MDGA1: variants seen among roughly 807,000 people sequenced by gnomAD.
MDGA1 encodes MAM domain-containing glycosylphosphatidylinositol anchor protein 1.
Under a neutral mutation model 101.5 loss-of-function variants are expected in MDGA1, and 54 were observed. That is an observed-to-expected ratio of 0.53 (90% confidence interval 0.43 to 0.67). The LOEUF (loss-of-function observed/expected upper bound fraction) is 0.67. Ranked by LOEUF, MDGA1 falls within the 30% of genes least tolerant of loss-of-function variation. The pLI, the probability that MDGA1 is intolerant of heterozygous loss-of-function variation, is 0.00. For missense variants in MDGA1, 1,083 were observed against 1,323.8 expected, an observed-to-expected ratio of 0.82 and a Z score of 2.82; for synonymous variants, 533 against 558.3, an observed-to-expected ratio of 0.95 and a Z score of 0.64.
Position 37,646,368 on chromosome 6 carries a change from TG to T in MDGA1, c.2053del (p.Gln685SerfsTer24). The T allele has an allele frequency of 6.6e-7, 1 of 1,516,082 alleles. No individual in the cohort carries two copies. Among genetic ancestry groups the T allele is most frequent in the Non-Finnish European group, 8.9e-7 (1 of 1,127,524 alleles). The allele number at this position is 1,516,082 out of a possible 1,614,324, so 93.9% of individuals were successfully genotyped here. On this transcript the variant is annotated frameshift_variant, in exon 11 of 17. Coordinates refer to ENST00000434837, the MANE Select transcript of MDGA1 (RefSeq NM_153487.4). LOFTEE classifies it high-confidence loss of function. ...GATGGCCTTGACCACCGCATTGTGCTGGTTCAACTGTTAAGTACAGAGAGTT... is the reference window on the plus strand; with the variant it reads ...GATGGCCTTGACCACCGCATTGTGCTGTTCAACTGTTAAGTACAGAGAGTT... ...NYRLSIRQLNQHNAVVKAIPV... is the reference protein window; with the variant it reads ...NYRLSIRQLNXHNAVVKAIPV...
chr6:37,671,747 G>C (rs191921203), intron 1 of MDGA1, among the ~76,000 whole-genome samples: 2 of 152,232 alleles, frequency 1.3e-5, no homozygotes, highest in East Asian at 3.9e-4. Context: ...TCCCCCATAA[G>C]AGAATCCATG....
intron 12 of MDGA1, among the ~76,000 whole-genome samples, chr6:37,645,540 G>GA (rs59116832): frequency 0.52 from 77,821 of 150,742 alleles, 21,159 homozygotes; most frequent in South Asian, 0.64. Context: ...CATCTCAAAA[G>GA]AAAAAAAAAG....
chr6:37,647,896 C>G (rs1305963198), intron 9 of MDGA1, among the ~76,000 whole-genome samples: 1 of 152,106 alleles, frequency 6.6e-6, no homozygotes, highest in Non-Finnish European at 1.5e-5. Context: ...GGGATTCAAA[C>G]AGAAGCTGAA....
chr6:37,632,168 T>C lies in MDGA1; in HGVS notation c.*5200A>G, dbSNP rs1353220195. The C allele has an allele frequency of 6.6e-6, 1 of 152,124 alleles. No homozygotes were observed. The highest frequency in any genetic ancestry group is 1.5e-5 in the Non-Finnish European group (1 of 68,046). The allele number at this position is 152,124 out of a possible 1,614,324, so 9.4% of individuals were successfully genotyped here. A position where few individuals can be genotyped will look rare whatever the true frequency, so the allele number is the denominator to read the frequency against. On this transcript the variant is annotated 3_prime_UTR_variant, in exon 17 of 17. Coordinates refer to ENST00000434837, the MANE Select transcript of MDGA1 (RefSeq NM_153487.4). ...GAAGCCCCAACCCAAATAAGAACCC[T>C]CTTCATACCTTCTTTCATAGCACCA...
intron 6 of MDGA1, among the ~76,000 whole-genome samples, chr6:37,653,619 C>A (rs566179356): frequency 2.6e-5 from 4 of 152,114 alleles, no homozygotes; most frequent in Non-Finnish European, 5.9e-5. Flanking sequence ...AGAAAACAAA[C>A]AAAATCCCTA....
chr6:37,694,775 G>A (rs922138249), intron 1 of MDGA1, among the ~76,000 whole-genome samples: 1 of 152,080 alleles, frequency 6.6e-6, no homozygotes, highest in Admixed American at 6.5e-5. Context: ...GCTCTCAAAG[G>A]AAAAGTGGCA....
At chr6:37,666,331 G>A (rs1315945541) in intron 1 of MDGA1, among the ~76,000 whole-genome samples, 1 of 145,874 alleles carries the variant, frequency 6.9e-6, no homozygotes, top group African/African-American at 2.6e-5. Context: ...CTGCACTCCA[G>A]CCTGGGCCAC....
chr6:37,680,919 C>T lies in MDGA1; in HGVS notation c.67+15826G>A, dbSNP rs182723605. On this transcript the variant is annotated intron_variant, in intron 1 of 16. Coordinates refer to ENST00000434837, the MANE Select transcript of MDGA1 (RefSeq NM_153487.4). The stretch of plus-strand genomic sequence containing the variant: ...AAAACCAAATCCACAACTGAGCTCT[C>T]CAGCTGAGCAGGGCCTGCTGGGAAG... Among the ~76,000 whole-genome samples, 384 of 152,302 alleles carry T rather than the reference C, an allele frequency of 2.5e-3. 3 individuals are homozygous for T. The highest frequency in any genetic ancestry group is 4.3e-3 in the Admixed American group (66 of 15,302).
In MDGA1 at chr6:37,638,256, C is replaced by T. The variant is rs372901709; in HGVS notation, c.2725G>A (p.Val909Ile). The T allele has an allele frequency of 2.9e-5, 47 of 1,613,596 alleles. No homozygotes were observed. Among genetic ancestry groups the T allele is most frequent in the South Asian group, 6.6e-5 (6 of 91,038 alleles). The change falls in exon 16 of 17, where the codon GTC becomes ATC. Residue 909 changes from valine (V) to isoleucine (I), a missense_variant. Val to Ile is a conservative substitution (Grantham distance 29). Coordinates refer to ENST00000434837, the MANE Select transcript of MDGA1 (RefSeq NM_153487.4). This position sits in a 1 kb window ranked among gnomAD's most constrained non-coding sequence, Gnocchi z 4.8. ...GGACACTCCCCCTTCTTCAGTGTGA[C>T]GTCATCTATGGCAATATCCCCCAGG... ...GYLGDIAIDD[V>I]TLKKGECPRK...
At position 37,664,161 on chromosome 6, in the gene MDGA1, A is replaced by T. The variant is rs1435633585; in HGVS notation, c.68-55T>A. The T allele has an allele frequency of 4.4e-6, 7 of 1,606,746 alleles. No individual in the cohort carries two copies. The South Asian group carries it at 6.6e-5, about 15-fold the overall frequency. ...AGAGAAGAGGTGCCAAGGCCAGAAG[A>T]AGTCTGGGGCTCCCTCCTGAGTGTA... On this transcript the variant is annotated intron_variant, in intron 1 of 16. Transcript: ENST00000434837.
rs1000022709 is a variant in MDGA1 at position 37,652,774 on chromosome 6, C to G, written c.983-434G>C. ...AACTCAGAGTCTGAGCTCTTGACCC[C>G]TACAATGCTTTGTTTTTATCATTGT... On this transcript the variant is annotated intron_variant, in intron 6 of 16. Transcript: ENST00000434837. This position sits in a 1 kb window ranked among gnomAD's most constrained non-coding sequence, Gnocchi z 4.3. Among the ~76,000 whole-genome samples the G allele has an allele frequency of 2.0e-5, 3 of 152,206 alleles. No homozygotes were observed. The highest frequency in any genetic ancestry group is 2.9e-5 in the Non-Finnish European group (2 of 68,038).
At position 37,658,467 on chromosome 6, in the gene MDGA1, T is replaced by TG. The variant is rs1025002342; in HGVS notation, c.208-49dup. The TG allele has an allele frequency of 2.6e-6, 4 of 1,552,050 alleles. No individual in the cohort carries two copies. The African/African-American group carries it at 5.4e-5, about 21-fold the overall frequency. Reference sequence around the variant, plus strand: ...GTCAGACTGTCAGACTCACACGGGGTGGGGGCCTCAGCGCTGAGTGCCCTG... The same window carrying TG: ...GTCAGACTGTCAGACTCACACGGGGTGGGGGGCCTCAGCGCTGAGTGCCCTG... On this transcript the variant is annotated intron_variant, in intron 2 of 16. Transcript: ENST00000434837.
chr6:37,640,988 C>T (rs974944962), intron 14 of MDGA1, among the ~76,000 whole-genome samples: 6 of 152,074 alleles, frequency 3.9e-5, no homozygotes, highest in African/African-American at 9.7e-5. Context: ...CCCCTGCTGG[C>T]GAAGGTGCCT....
chr6:37,644,794 G>A (rs993328200), intron 12 of MDGA1, 145 bp from the exon 13 acceptor site: 2 of 853,164 alleles, frequency 2.3e-6, no homozygotes, highest in African/African-American at 1.8e-5. Context: ...CAGGCATGGG[G>A]CCCATAACAA....
intron 1 of MDGA1, among the ~76,000 whole-genome samples, chr6:37,664,842 GACACACACACACACACAC>G (rs35594367): frequency 0.011 from 623 of 55,248 alleles, 5 homozygotes; most frequent in Middle Eastern, 0.028. Context: ...CCTAACCTAA[GACACACACACACACACAC>G]ACACACACAC....
chr6:37,641,840 G>A (rs1325840848), intron 14 of MDGA1: 1 of 152,178 alleles, frequency 6.6e-6, no homozygotes, highest in African/African-American at 2.4e-5. Context: ...TCCAGACCCA[G>A]CCACGGGCAA....
Position 37,638,125 on chromosome 6 carries a change from C to T in MDGA1, c.2776+80G>A, listed in dbSNP as rs1337293821. The T allele has an allele frequency of 1.7e-6, 2 of 1,173,896 alleles. No individual in the cohort carries two copies. Among genetic ancestry groups the T allele is most frequent in the Non-Finnish European group, 2.5e-6 (2 of 791,850 alleles). The allele number at this position is 1,173,896 out of a possible 1,614,324, so 72.7% of individuals were successfully genotyped here. On this transcript the variant is annotated intron_variant, in intron 16 of 16. Transcript: ENST00000434837. The surrounding 1 kb of genome is among the most constrained non-coding windows in gnomAD (Gnocchi z 4.8). The stretch of plus-strand genomic sequence containing the variant: ...CTGAACCCCTATTCAGACCCAAACA[C>T]CCTCCCTCAACAGACAGGAACCCCC...
At chr6:37,637,579 G>A (rs1763958133) in intron 16 of MDGA1, 120 bp from the exon 17 acceptor site, 1 of 792,394 alleles carries the variant, frequency 1.3e-6, no homozygotes, top group Non-Finnish European at 2.1e-6. Flanking sequence ...CTGAGGGTGG[G>A]CACTGGCCTC....
At chr6:37,650,963 G>A (rs1761346534) in intron 7 of MDGA1, among the ~76,000 whole-genome samples, 1 of 152,208 alleles carries the variant, frequency 6.6e-6, no homozygotes, top group Admixed American at 6.5e-5. Flanking sequence ...GGAAAATGAG[G>A]GCGTTTAAAA....
Sources: gnomAD v4.1 joint callset for allele counts (sites outside exome capture counted in the v4.1 genomes callset) on GRCh38, gnomAD v4.1.1 for gene constraint, Gnocchi (gnomAD v3.1) non-coding constraint, MANE v1.5 for transcripts, NCBI Gene and HGNC (gene_info 2026-07-23, HGNC 2026-07-21) for gene names.